The following YLPM1 variants were observed in gnomAD, a reference collection of about 807,000 sequenced individuals.
YLPM1 encodes YLP motif-containing protein 1.
In YLPM1, 99 loss-of-function variants were observed where a neutral mutation model predicts 230.0. The observed-to-expected ratio is 0.43, with a 90% CI of 0.37 to 0.51. The LOEUF (loss-of-function observed/expected upper bound fraction) is 0.51, where lower values mean the gene tolerates loss of function less well. Among genes scored for constraint, YLPM1 ranks in the 20% least tolerant of loss-of-function variants. The pLI, the probability that YLPM1 is intolerant of heterozygous loss-of-function variation, is 0.00. For synonymous variants in YLPM1, 984 were observed against 942.5 expected (o/e 1.04, Z -0.81); for missense variants, 2,592 against 2,707.7 (o/e 0.96, Z 0.95).
At chr14:74,785,167 T>G (rs538108302) in intron 4 of YLPM1, among the ~76,000 whole-genome samples, 26 of 152,314 alleles carry the variant, frequency 1.7e-4, no homozygotes, top group African/African-American at 6.3e-4. Flanking sequence ...TTTGTTTTTG[T>G]TTTTCTTGTT....
chr14:74,801,657 T>C (rs2091326721), intron 5 of YLPM1, among the ~76,000 whole-genome samples: 1 of 152,196 alleles, frequency 6.6e-6, no homozygotes, highest in Non-Finnish European at 1.5e-5. Context: ...AGTATAACTC[T>C]GTAGAGTACG....
intron 4 of YLPM1, among the ~76,000 whole-genome samples, chr14:74,783,212 G>A (rs537123732): frequency 7.9e-5 from 12 of 152,090 alleles, no homozygotes; most frequent in South Asian, 2.1e-4. Flanking sequence ...CCAGAGGTGC[G>A]CACCAACACA....
chr14:74,812,512 G>A, intron 10 of YLPM1, 116 bp from the exon 11 acceptor site: 4 of 1,030,108 alleles, frequency 3.9e-6, no homozygotes, highest in Non-Finnish European at 5.2e-6. Flanking sequence ...GTTAAAAGTG[G>A]CCCCAAAATC....
At chr14:74,811,799 C>A in intron 10 of YLPM1, 61 bp downstream of exon 10, 17 of 1,113,642 alleles carry the variant, frequency 1.5e-5, no homozygotes, top group Non-Finnish European at 2.1e-5. Context: ...GAGATGCTTT[C>A]CATTGTAGCT....
chr14:74,766,078 G>C, intron 1 of YLPM1, among the ~76,000 whole-genome samples: 1 of 152,126 alleles, frequency 6.6e-6, no homozygotes, highest in Non-Finnish European at 1.5e-5. Context: ...CATCTGGTTT[G>C]GTTCTGTTCT....
chr14:74,763,830 C>T lies in YLPM1; in HGVS notation c.341C>T (p.Ala114Val). The T allele has an allele frequency of 6.6e-7, 1 of 1,516,286 alleles. No homozygotes were observed. The allele number at this position is 1,516,286 out of a possible 1,614,324, so 93.9% of individuals were successfully genotyped here. Residue 114 changes from alanine to valine, a missense_variant, in exon 1 of 21, where the codon GCC becomes GTC. Transcript: ENST00000325680. ...PPPMPPPPGP[A>V]LSYQKQQQYK... ...CCGATGCCCCCGCCACCCGGGCCGG[C>T]CCTCAGCTATCAGAAGCAGCAGCAG...
At chr14:74,785,286 A>G (rs2091136452) in intron 4 of YLPM1, among the ~76,000 whole-genome samples, 2 of 152,134 alleles carry the variant, frequency 1.3e-5, no homozygotes. Flanking sequence ...TGTTTTAGGT[A>G]TGTGATATCC....
chr14:74,776,777 T>C (rs2091044556), intron 1 of YLPM1, among the ~76,000 whole-genome samples: 1 of 151,968 alleles, frequency 6.6e-6, no homozygotes, highest in Admixed American at 6.6e-5. Flanking sequence ...AGAAATAAAT[T>C]TTAGGTCGGG....
At chr14:74,834,042 T>C (rs2091626111) in intron 19 of YLPM1, among the ~76,000 whole-genome samples, 1 of 152,130 alleles carries the variant, frequency 6.6e-6, no homozygotes, top group South Asian at 2.1e-4. Flanking sequence ...CCATATACTT[T>C]TAAAAACATA....
intron 11 of YLPM1, among the ~76,000 whole-genome samples, chr14:74,814,381 T>C (rs532446126): frequency 1.4e-4 from 21 of 152,270 alleles, no homozygotes; most frequent in Admixed American, 9.8e-4. Flanking sequence ...AAGAATGATA[T>C]TAGCTGTGGA....
chr14:74,832,104 A>G (rs2091612121), intron 19 of YLPM1, among the ~76,000 whole-genome samples: 1 of 152,218 alleles, frequency 6.6e-6, no homozygotes, highest in African/African-American at 2.4e-5. Flanking sequence ...TTTGAGGGCT[A>G]GTTAAGATTT....
chr14:74,771,483 T>C (rs1463839890), intron 1 of YLPM1, among the ~76,000 whole-genome samples: 3 of 152,204 alleles, frequency 2.0e-5, no homozygotes, highest in South Asian at 2.1e-4. Flanking sequence ...GCTATTACTT[T>C]TAATGGCAAA....
At chr14:74,768,084 A>G (rs764016785) in intron 1 of YLPM1, among the ~76,000 whole-genome samples, 8 of 151,714 alleles carry the variant, frequency 5.3e-5, no homozygotes, top group Non-Finnish European at 1.0e-4. Context: ...TTTTTCTGCC[A>G]TTTCTTCCAC....
At chr14:74,818,441 C>A in intron 16 of YLPM1, 127 bp downstream of exon 16, 2 of 617,294 alleles carry the variant, frequency 3.2e-6, no homozygotes, top group Non-Finnish European at 5.1e-6. Context: ...TACTGATATG[C>A]CTTTCATTGA....
Position 74,799,002 on chromosome 14 carries a change from A to C in YLPM1, c.3705A>C (p.Gln1235His), listed in dbSNP as rs1455290675. ...GGAGAGAATGTGAACGTGACTATCA[A>C]GATGATACACTAGAGCTCTATAACA... ...RYWRECERDY[Q>H]DDTLELYNRE... Residue 1235 changes from glutamine to histidine, a missense_variant, in exon 5 of 21, where the codon CAA becomes CAC. Transcript: ENST00000325680. 1 of 1,613,868 alleles carries C rather than the reference A, an allele frequency of 6.2e-7. No individual in the cohort carries two copies. The highest frequency in any genetic ancestry group is 8.5e-7 in the Non-Finnish European group (1 of 1,179,880).
Position 74,798,715 on chromosome 14 carries a change from G to A in YLPM1, c.3418G>A (p.Gly1140Arg), listed in dbSNP as rs1325599182. 1 of 1,612,286 alleles carries A rather than the reference G, an allele frequency of 6.2e-7. No individual in the cohort carries two copies. The highest frequency in any genetic ancestry group is 1.7e-5 in the Admixed American group (1 of 59,882). The stretch of plus-strand genomic sequence containing the variant: ...AGAGAGAATACCACCCCGAAGAGCT[G>A]GGAGCAGGGAGAGAGGACCACCTCG... ...SRERIPPRRA[G>R]SRERGPPRGP... The change falls in exon 5 of 21, where the codon GGG becomes AGG. Residue 1140 changes from glycine to arginine, a missense_variant. By Grantham distance (125) the Gly-to-Arg change is moderately radical. Transcript: ENST00000325680.
intron 4 of YLPM1, 103 bp from the exon 5 acceptor site, chr14:74,797,477 T>C (rs1232153012): frequency 1.0e-6 from 1 of 1,000,084 alleles, no homozygotes; most frequent in East Asian, 2.7e-5. Flanking sequence ...AGAGTCATTG[T>C]TGTAAACAAA....
intron 18 of YLPM1, 69 bp from the exon 19 acceptor site, chr14:74,829,143 TC>T (rs1398329001): frequency 6.3e-7 from 1 of 1,580,294 alleles, no homozygotes; most frequent in African/African-American, 1.4e-5. Flanking sequence ...AGCCTTCTTT[TC>T]CCCTGTGTGT....
chr14:74,772,451 C>CA (rs2090987239), intron 1 of YLPM1, among the ~76,000 whole-genome samples: 1 of 151,876 alleles, frequency 6.6e-6, no homozygotes, highest in Non-Finnish European at 1.5e-5. Flanking sequence ...CTCCGCCTCC[C>CA]AGGTTCAAGC....
Sources: allele counts gnomAD v4.1 joint callset (sites outside exome capture counted in the v4.1 genomes callset), GRCh38; gene constraint gnomAD v4.1.1; transcripts MANE v1.5; gene names NCBI Gene and HGNC (gene_info 2026-07-23, HGNC 2026-07-21).